DLG2: variants seen among roughly 807,000 people sequenced by gnomAD.
DLG2 encodes disks large homolog 2.
DLG2 carries 45 observed loss-of-function variants against 132.5 expected under a neutral mutation model. The observed-to-expected ratio is 0.34, with a 90% CI of 0.27 to 0.44. DLG2 has a LOEUF of 0.44. Among genes scored for constraint, DLG2 ranks in the 20% least tolerant of loss-of-function variants. The pLI is 1.00. For synonymous variants in DLG2, 424 were observed against 419.6 expected (o/e 1.01, Z -0.13); for missense variants, 1,045 against 1,196.9 (o/e 0.87, Z 1.87).
intron 18 of DLG2, 152 bp downstream of exon 18, chr11:83,786,538 C>T (rs1037883917): frequency 3.4e-5 from 21 of 615,628 alleles, no homozygotes; most frequent in East Asian, 8.3e-5. Context: ...CCACGGTTCA[C>T]GTTCTTTGGA....
At chr11:84,754,442 C>T (rs2066591325) in intron 6 of DLG2, among the ~76,000 whole-genome samples, 1 of 152,004 alleles carries the variant, frequency 6.6e-6, no homozygotes, top group East Asian at 1.9e-4. Flanking sequence ...AGTAAATGAT[C>T]TTATTTAATA....
intron 11 of DLG2, among the ~76,000 whole-genome samples, chr11:84,037,433 G>A (rs1034708609): frequency 7.9e-5 from 12 of 152,022 alleles, no homozygotes; most frequent in Non-Finnish European, 1.5e-4. Flanking sequence ...TTAGAGAATA[G>A]GTTTGATATA....
At chr11:85,053,946 A>C (rs907784559) in intron 6 of DLG2, among the ~76,000 whole-genome samples, 4 of 152,048 alleles carry the variant, frequency 2.6e-5, no homozygotes, top group African/African-American at 9.7e-5. Flanking sequence ...CATATGAAAA[A>C]ATTCTCTACA....
chr11:85,624,618 T>C (rs959360339), intron 2 of DLG2, among the ~76,000 whole-genome samples: 1 of 152,172 alleles, frequency 6.6e-6, no homozygotes, highest in Non-Finnish European at 1.5e-5. Context: ...GCATAGCCAA[T>C]GAAAAATACA....
chr11:84,689,214 A>G (rs2057725673), intron 6 of DLG2, among the ~76,000 whole-genome samples: 3 of 152,238 alleles, frequency 2.0e-5, no homozygotes, highest in African/African-American at 7.2e-5. Context: ...TAAAATCATC[A>G]TTTTGTGACA....
chr11:83,842,737 A>C (rs987071760), intron 16 of DLG2, among the ~76,000 whole-genome samples: 5 of 150,606 alleles, frequency 3.3e-5, no homozygotes, highest in African/African-American at 1.2e-4. Flanking sequence ...AATGGCGTGA[A>C]CCTGGGAGGC....
intron 3 of DLG2, among the ~76,000 whole-genome samples, chr11:85,553,154 C>A (rs1056699077): frequency 6.6e-6 from 1 of 151,402 alleles, no homozygotes; most frequent in Non-Finnish European, 1.5e-5. Flanking sequence ...ACAAAACAGA[C>A]AAAAATTCTT....
At chr11:84,469,936 C>T (rs906825615) in intron 7 of DLG2, among the ~76,000 whole-genome samples, 1 of 151,500 alleles carries the variant, frequency 6.6e-6, no homozygotes, top group African/African-American at 2.4e-5. Context: ...TGGTATAGCC[C>T]AATACACATT....
intron 6 of DLG2, among the ~76,000 whole-genome samples, chr11:84,792,887 G>A (rs1261220259): frequency 6.6e-6 from 1 of 151,760 alleles, no homozygotes; most frequent in Non-Finnish European, 1.5e-5. Flanking sequence ...TTTATCTTTT[G>A]CATTGTTTTC....
chr11:83,607,474 AACAGGACTCCTCCCGTCCATCCACG>A (rs1249370143), intron 19 of DLG2, among the ~76,000 whole-genome samples: 24 of 152,326 alleles, frequency 1.6e-4, no homozygotes, highest in African/African-American at 5.8e-4. Context: ...CTCTTTTAGT[AACAGGACTCCTCCCGTCCATCCACG>A]ACAGAGTCTT....
chr11:83,536,379 CTT>C (rs2095876332), intron 20 of DLG2, among the ~76,000 whole-genome samples: 1 of 152,152 alleles, frequency 6.6e-6, no homozygotes. Flanking sequence ...ATCACAGAGG[CTT>C]GCAGTACTGC....
intron 21 of DLG2, among the ~76,000 whole-genome samples, chr11:83,505,788 G>A (rs2094666651): frequency 2.0e-5 from 3 of 152,138 alleles, no homozygotes; most frequent in African/African-American, 7.2e-5. Context: ...TGTCCTTCAG[G>A]GATGTCCTAG....
At chr11:84,192,752 TA>T (rs1219539528) in intron 8 of DLG2, among the ~76,000 whole-genome samples, 7 of 137,256 alleles carry the variant, frequency 5.1e-5, no homozygotes, top group African/African-American at 1.3e-4. Flanking sequence ...AATAAAAAAA[TA>T]AAAGAAATTG....
Position 83,796,061 on chromosome 11 carries a change from C to T in DLG2, c.1723-9269G>A, listed in dbSNP as rs556048300. 5.3e-5 allele frequency among the ~76,000 whole-genome samples: 8 copies of T among 152,322 alleles called. No homozygotes were observed. The East Asian group carries it at 1.5e-3, about 29-fold the overall frequency. On this transcript the variant is annotated intron_variant, in intron 17 of 27. Coordinates refer to ENST00000376104, the MANE Select transcript of DLG2 (RefSeq NM_001142699.3). ...ATCTATTTATAAGCTCCTTAAAAGT[C>T]AGATCTCTGCTTATTGGAACTTGTG...
intron 18 of DLG2, among the ~76,000 whole-genome samples, chr11:83,746,023 T>G (rs2092883429): frequency 1.3e-5 from 2 of 152,056 alleles, no homozygotes; most frequent in Admixed American, 6.6e-5. Flanking sequence ...AAAATCACAA[T>G]GAGTTACCAT....
At chr11:84,825,211 T>G (rs2078188947) in intron 6 of DLG2, among the ~76,000 whole-genome samples, 1 of 151,824 alleles carries the variant, frequency 6.6e-6, no homozygotes, top group Non-Finnish European at 1.5e-5. Context: ...GACCTGAGTT[T>G]GAATGTCAGC....
chr11:84,991,831 G>C (rs2057157201), intron 6 of DLG2, among the ~76,000 whole-genome samples: 2 of 152,098 alleles, frequency 1.3e-5, no homozygotes, highest in South Asian at 4.1e-4. Flanking sequence ...TTTAATTAAA[G>C]CTGTTATATG....
chr11:85,409,083 T>G (rs1227692892), intron 3 of DLG2, among the ~76,000 whole-genome samples: 2 of 152,084 alleles, frequency 1.3e-5, no homozygotes, highest in African/African-American at 4.8e-5. Flanking sequence ...CCAAGTTGCA[T>G]CAGCAGTTAT....
chr11:84,669,971 G>A (rs936338824), intron 6 of DLG2, among the ~76,000 whole-genome samples: 8 of 152,182 alleles, frequency 5.3e-5, no homozygotes, highest in African/African-American at 1.9e-4. Context: ...GCACTGAGGT[G>A]CAACTAAACA....
Sources: allele counts gnomAD v4.1 joint callset (sites outside exome capture counted in the v4.1 genomes callset), GRCh38; gene constraint gnomAD v4.1.1; transcripts MANE v1.5; gene names NCBI Gene and HGNC (gene_info 2026-07-23, HGNC 2026-07-21).